Variants in EYA2 observed in about 807,000 individuals in gnomAD.
EYA2 encodes the protein protein phosphatase EYA2.
In EYA2, 31 loss-of-function variants were observed where a neutral mutation model predicts 69.2. The observed-to-expected ratio is 0.45, with a 90% CI of 0.34 to 0.60. The LOEUF is 0.60. Among genes scored for constraint, EYA2 ranks in the 20% least tolerant of loss-of-function variants. EYA2 has a pLI of 0.02. For missense variants in EYA2, 622 were observed against 701.2 expected (o/e 0.89, Z 1.28); for synonymous variants, 257 against 279.4 (o/e 0.92, Z 0.80).
At chr20:46,925,247 A>T (rs1434537562) in intron 1 of EYA2, among the ~76,000 whole-genome samples, 1 of 152,150 alleles carries the variant, frequency 6.6e-6, no homozygotes, top group African/African-American at 2.4e-5. Flanking sequence ...GACAACTTTA[A>T]TATGTCCTTT....
At chr20:47,021,545 T>G (rs1983745336) in intron 5 of EYA2, among the ~76,000 whole-genome samples, 1 of 150,660 alleles carries the variant, frequency 6.6e-6, no homozygotes, top group Non-Finnish European at 1.5e-5. Context: ...GAGAATCGCT[T>G]GAACCCGGGT....
chr20:46,902,246 G>A (rs1341291621), intron 1 of EYA2, among the ~76,000 whole-genome samples: 1 of 151,398 alleles, frequency 6.6e-6, no homozygotes, highest in African/African-American at 2.4e-5. Context: ...CTTATTTTTA[G>A]TGAATTAGTT....
At chr20:47,100,820 T>C (rs1178314262) in intron 9 of EYA2, among the ~76,000 whole-genome samples, 1 of 152,240 alleles carries the variant, frequency 6.6e-6, no homozygotes, top group Non-Finnish European at 1.5e-5. Context: ...CCCAAAATAA[T>C]TGTGACTTAA....
rs562275282 is a variant in EYA2, at chr20:47,161,644, C to T, written c.979-7495C>T. ...CAGCCCCCGATGCCCCTGCTGAAGC[C>T]TCCACAGAAGCCACCGTGGTTCCCC... is the stretch of plus-strand genomic sequence containing the variant. On this transcript the variant is annotated intron_variant, in intron 10 of 15. Coordinates refer to ENST00000327619, the MANE Select transcript of EYA2 (RefSeq NM_005244.5). 282 of 211,370 alleles carry T rather than the reference C, an allele frequency of 1.3e-3. 7 individuals carry two copies. In the South Asian group the frequency reaches 0.018, roughly 13 times the overall value. The allele number at this position is 211,370 out of a possible 1,614,324, so 13.1% of individuals were successfully genotyped here. A position where few individuals can be genotyped will look rare whatever the true frequency, so the allele number is the denominator to read the frequency against.
At chr20:46,961,591 A>G (rs375836149) in intron 1 of EYA2, among the ~76,000 whole-genome samples, 3 of 152,356 alleles carry the variant, frequency 2.0e-5, no homozygotes, top group African/African-American at 7.2e-5. Flanking sequence ...AACGCTATTC[A>G]CAATAGCCCA....
At position 47,172,795 on chromosome 20, in the gene EYA2, T is replaced by C; in HGVS notation, c.1126T>C (p.Trp376Arg). ...CTCTGGCGTGCACGGCGGCGTGGAC[T>C]GGATGAGGAAGCTGGCCTTCCGCTA... The part of the protein sequence containing the change: ...LGSGVHGGVD[W>R]MRKLAFRYRR... The change falls in exon 12 of 16, where the codon TGG becomes CGG. Residue 376 changes from tryptophan to arginine, a missense_variant. Physicochemically the swap from Trp to Arg is moderately radical, Grantham distance 101. Around this residue, in one of 2 missense-constraint regions of EYA2, gnomAD observed 257 missense variants for 351.5 expected, o/e 0.73. Transcript: ENST00000327619. 1 of 1,614,132 alleles carries C rather than the reference T, an allele frequency of 6.2e-7. No homozygotes were observed. Among genetic ancestry groups the C allele is most frequent in the Non-Finnish European group, 8.5e-7 (1 of 1,179,996 alleles).
Position 46,955,267 on chromosome 20 carries a change from G to T in EYA2, c.-10-34734G>T, listed in dbSNP as rs1056887551. ...TTCCCCTGCCTCAGCCTGTAGCTGG[G>T]ATTACAGGCGTGAGCCACCAGGCCC... On this transcript the variant is annotated intron_variant, in intron 1 of 15. Coordinates refer to ENST00000327619, the MANE Select transcript of EYA2 (RefSeq NM_005244.5). Among the ~76,000 whole-genome samples the T allele has an allele frequency of 4.6e-5, 7 of 152,082 alleles. No homozygotes were observed. The Middle Eastern group carries it at 0.013, about 275-fold the overall frequency.
chr20:46,952,807 G>A (rs1406016361), intron 1 of EYA2, among the ~76,000 whole-genome samples: 4 of 152,166 alleles, frequency 2.6e-5, no homozygotes, highest in South Asian at 2.1e-4. Context: ...GATCAGCCCC[G>A]CATCCCAAGC....
In EYA2 at chr20:47,176,860, C is replaced by T. The variant is rs572285419; in HGVS notation, c.1199-2938C>T. Reference sequence around the variant, plus strand: ...AGGCTGGAGTATAGTGGCACAATCTCGGCTCACTGCAACCTCCGCCTCCCG... The same window carrying T: ...AGGCTGGAGTATAGTGGCACAATCTTGGCTCACTGCAACCTCCGCCTCCCG... On this transcript the variant is annotated intron_variant, in intron 12 of 15. Coordinates refer to ENST00000327619, the MANE Select transcript of EYA2 (RefSeq NM_005244.5). 4.6e-5 allele frequency among the ~76,000 whole-genome samples: 7 copies of T among 151,642 alleles called. 1 individual carries two copies. The South Asian group carries it at 1.3e-3, about 27-fold the overall frequency.
intron 9 of EYA2, among the ~76,000 whole-genome samples, chr20:47,119,981 G>A (rs1170714182): frequency 6.6e-6 from 1 of 152,156 alleles, no homozygotes; most frequent in Non-Finnish European, 1.5e-5. Context: ...GCCAAGGCGG[G>A]CGGATCACCT....
At chr20:47,093,323 C>A (rs542902421) in intron 8 of EYA2, among the ~76,000 whole-genome samples, 10 of 152,324 alleles carry the variant, frequency 6.6e-5, no homozygotes, top group Admixed American at 5.9e-4. Context: ...TGGGTCCAGC[C>A]CATGCTGAAG....
At chr20:47,156,306 C>A (rs2033952059) in intron 10 of EYA2, among the ~76,000 whole-genome samples, 1 of 149,056 alleles carries the variant, frequency 6.7e-6, no homozygotes, top group Non-Finnish European at 1.5e-5. Flanking sequence ...TGCACTCCAG[C>A]CTGGGCAACA....
intron 5 of EYA2, among the ~76,000 whole-genome samples, chr20:47,051,407 C>A (rs2030326063): frequency 6.6e-6 from 1 of 152,130 alleles, no homozygotes; most frequent in South Asian, 2.1e-4. Context: ...ATGAACCTTC[C>A]AGTAGGACCA....
chr20:47,160,496 G>A (rs1429912846), intron 10 of EYA2, among the ~76,000 whole-genome samples: 1 of 152,114 alleles, frequency 6.6e-6, no homozygotes, highest in Non-Finnish European at 1.5e-5. Context: ...TGGGGCGGGG[G>A]GCGGTGCGGG....
intron 1 of EYA2, among the ~76,000 whole-genome samples, chr20:46,924,084 A>G (rs1306334613): frequency 6.6e-6 from 1 of 152,058 alleles, no homozygotes; most frequent in Non-Finnish European, 1.5e-5. Flanking sequence ...TAATTTTTCT[A>G]GTTATCTTCT....
chr20:47,016,719 GA>G (rs1021842750), intron 5 of EYA2, among the ~76,000 whole-genome samples: 2 of 152,198 alleles, frequency 1.3e-5, no homozygotes, highest in Admixed American at 1.3e-4. Flanking sequence ...ATTCCAGGCA[GA>G]GGGAACAGCC....
rs529254892 is a variant in EYA2 at position 47,188,462 on chromosome 20, T to A, written c.*329T>A. The A allele has an allele frequency of 1.3e-5, 7 of 543,382 alleles. No individual in the cohort carries two copies. The highest frequency in any genetic ancestry group is 9.3e-5 in the Admixed American group (3 of 32,256). 33.7% of individuals were successfully genotyped at this position (543,382 alleles called of 1,614,324 possible). ...GTGATGAGGAGGGGATGGGTTTGTC[T>A]TGTCTTCTTTTTAATTTATGGACTA... On this transcript the variant is annotated 3_prime_UTR_variant, in exon 16 of 16. Coordinates refer to ENST00000327619, the MANE Select transcript of EYA2 (RefSeq NM_005244.5).
At chr20:47,055,140 C>T (rs2030541717) in intron 5 of EYA2, among the ~76,000 whole-genome samples, 1 of 152,204 alleles carries the variant, frequency 6.6e-6, no homozygotes, top group Admixed American at 6.5e-5. Context: ...GGTCAGGGGA[C>T]TGTGATGCAC....
At chr20:47,016,495 G>A (rs148340388) in intron 5 of EYA2, among the ~76,000 whole-genome samples, 198 bp downstream of exon 5, 186 of 152,230 alleles carry the variant, frequency 1.2e-3, no homozygotes, top group East Asian at 3.9e-3. Flanking sequence ...CGATAAAGTC[G>A]GCAAATAAGC....
Sources: allele counts gnomAD v4.1 joint callset (sites outside exome capture counted in the v4.1 genomes callset), GRCh38; gene constraint gnomAD v4.1.1; regional missense constraint gnomAD v4.1.1; transcripts MANE v1.5; gene names NCBI Gene and HGNC (gene_info 2026-07-23, HGNC 2026-07-21).